Variants in IGF1R observed in about 807,000 individuals in gnomAD.
IGF1R encodes insulin-like growth factor 1 receptor.
A neutral mutation model predicts 144.6 loss-of-function variants in IGF1R; 44 were observed. The observed-to-expected ratio is 0.30, with a 90% confidence interval of 0.24 to 0.39. IGF1R has a LOEUF of 0.39. IGF1R is among the 10% of genes least tolerant of loss of function. The pLI is 1.00. For missense variants in IGF1R, 1,355 were observed against 1,833.7 expected (o/e 0.74, Z 4.77); for synonymous variants, 795 against 722.8 (o/e 1.10, Z -1.60).
intron 2 of IGF1R, among the ~76,000 whole-genome samples, chr15:98,763,270 G>A (rs1376048110): frequency 6.6e-6 from 1 of 152,134 alleles, no homozygotes. Flanking sequence ...TTAGGGAAAT[G>A]TTTTGTTCCA....
chr15:98,824,194 A>G (rs905079723), intron 2 of IGF1R: 3 of 152,306 alleles, frequency 2.0e-5, no homozygotes, highest in African/African-American at 7.2e-5. Context: ...AAGAGAGCAA[A>G]TGCACATCCC....
chr15:98,819,774 G>A (rs752785962), intron 2 of IGF1R, among the ~76,000 whole-genome samples: 21 of 152,240 alleles, frequency 1.4e-4, no homozygotes, highest in Non-Finnish European at 2.8e-4. Context: ...ATGCGTTAAC[G>A]TACTTTTATG....
At chr15:98,717,586 G>T (rs2054148882) in intron 2 of IGF1R, among the ~76,000 whole-genome samples, 1 of 152,164 alleles carries the variant, frequency 6.6e-6, no homozygotes, top group Non-Finnish European at 1.5e-5. Context: ...AGAACATTCA[G>T]CGAGGTACAT....
chr15:98,660,643 TG>T (rs2052577713), intron 1 of IGF1R: 1 of 152,222 alleles, frequency 6.6e-6, no homozygotes, highest in African/African-American at 2.4e-5. Context: ...GCATGGAACT[TG>T]AAAGCAATAA....
At chr15:98,733,101 T>C (rs550006889) in intron 2 of IGF1R, among the ~76,000 whole-genome samples, 6 of 152,320 alleles carry the variant, frequency 3.9e-5, no homozygotes, top group East Asian at 3.9e-4. Context: ...GCGTATCCCA[T>C]GCAGGGAGGC....
chr15:98,963,875 G>A lies in IGF1R; in HGVS notation c.*6433G>A, dbSNP rs998750942. The A allele has an allele frequency of 4.3e-6, 1 of 233,208 alleles. No homozygotes were observed. Among genetic ancestry groups the A allele is most frequent in the East Asian group, 6.0e-5 (1 of 16,582 alleles). 14.4% of individuals were successfully genotyped at this position (233,208 alleles called of 1,614,324 possible). On this transcript the variant is annotated 3_prime_UTR_variant, in exon 21 of 21. Coordinates refer to ENST00000650285, the MANE Select transcript of IGF1R (RefSeq NM_000875.5). ...CCACTTCCTCTAACTCCAGTGGATTGTTGGCCATGTCTCCCCAACTCCACA... is the reference window on the plus strand; with the variant it reads ...CCACTTCCTCTAACTCCAGTGGATTATTGGCCATGTCTCCCCAACTCCACA...
chr15:98,699,611 G>C (rs767911295), intron 1 of IGF1R, among the ~76,000 whole-genome samples: 3 of 152,120 alleles, frequency 2.0e-5, no homozygotes, highest in Non-Finnish European at 4.4e-5. Context: ...TTCAGTGGAG[G>C]GGACACTGGG....
rs45453695 is a variant in IGF1R, at chr15:98,669,601, T to C, written c.94+19926T>C. 7.8e-3 allele frequency among the ~76,000 whole-genome samples: 1,192 copies of C among 152,266 alleles called. 8 individuals carry two copies. Among genetic ancestry groups the C allele is most frequent in the South Asian group, 0.021 (101 of 4,824 alleles). On this transcript the variant is annotated intron_variant, in intron 1 of 20. Coordinates refer to ENST00000650285, the MANE Select transcript of IGF1R (RefSeq NM_000875.5). ...CAGGGCGGGTCATCGAGTAGGAACA[T>C]TGGGACCTTTTGCTTCCAGGCTTGA...
rs573560124 is a variant in IGF1R, at chr15:98,923,997, C to G, written c.2607C>G (p.Tyr869Ter). The G allele has an allele frequency of 3.1e-6, 5 of 1,614,018 alleles. No individual in the cohort carries two copies. Among genetic ancestry groups the G allele is most frequent in the Non-Finnish European group, 4.2e-6 (5 of 1,179,844 alleles). ...TGATTCTAATGTATGAAATAAAATA[C>G]GGATCACAAGTTGAGGTAGGACTGG... ...NGLILMYEIK[Y>*]GSQVEDQREC... Residue 869 changes from tyrosine (Y) to a stop codon, truncating the protein, a stop_gained, in exon 12 of 21, where the codon TAC becomes TAG. Coordinates refer to ENST00000650285, the MANE Select transcript of IGF1R (RefSeq NM_000875.5). LOFTEE classifies it high-confidence loss of function.
At chr15:98,752,100 C>T (rs1596267769) in intron 2 of IGF1R, among the ~76,000 whole-genome samples, 1 of 152,084 alleles carries the variant, frequency 6.6e-6, no homozygotes, top group Admixed American at 6.5e-5. Context: ...TTGAGGTGGC[C>T]CCAAACCTTT....
intron 2 of IGF1R, among the ~76,000 whole-genome samples, chr15:98,785,179 A>C (rs146235747): frequency 6.6e-6 from 1 of 152,210 alleles, no homozygotes; most frequent in Admixed American, 6.5e-5. Context: ...TTAACCTCCA[A>C]ATCATCAGAA....
chr15:98,667,343 AT>A (rs925730809), intron 1 of IGF1R, among the ~76,000 whole-genome samples: 2 of 150,628 alleles, frequency 1.3e-5, no homozygotes, highest in Admixed American at 6.6e-5. Flanking sequence ...TGACAGCTCA[AT>A]TTTTTTTTTA....
chr15:98,814,821 C>G (rs2056661859), intron 2 of IGF1R, among the ~76,000 whole-genome samples: 1 of 152,160 alleles, frequency 6.6e-6, no homozygotes, highest in Non-Finnish European at 1.5e-5. Context: ...AAGCGTGGCT[C>G]TACCTGGGAG....
At chr15:98,716,001 C>T (rs2054105809) in intron 2 of IGF1R, among the ~76,000 whole-genome samples, 2 of 152,210 alleles carry the variant, frequency 1.3e-5, no homozygotes, top group Non-Finnish European at 2.9e-5. Flanking sequence ...CGAAGAAGTT[C>T]ATCTCCAAAC....
intron 1 of IGF1R, among the ~76,000 whole-genome samples, chr15:98,677,340 T>C (rs2053074154): frequency 6.6e-6 from 1 of 152,234 alleles, no homozygotes; most frequent in Non-Finnish European, 1.5e-5. Context: ...TCTTATTCGT[T>C]ATAATAGTCT....
At chr15:98,664,890 T>C (rs1431419171) in intron 1 of IGF1R, among the ~76,000 whole-genome samples, 3 of 151,886 alleles carry the variant, frequency 2.0e-5, no homozygotes, top group Admixed American at 1.3e-4. Context: ...GGGTGTGTAT[T>C]GATTCTGATG....
At chr15:98,948,212 G>A (rs915346499) in intron 19 of IGF1R, among the ~76,000 whole-genome samples, 1 of 152,186 alleles carries the variant, frequency 6.6e-6, no homozygotes, top group Non-Finnish European at 1.5e-5. Flanking sequence ...TCAAAGCCAG[G>A]TTAGGTGATA....
At chr15:98,939,051 G>T (rs2016265084) in intron 17 of IGF1R, 150 bp from the exon 18 acceptor site, 2 of 686,510 alleles carry the variant, frequency 2.9e-6, no homozygotes, top group East Asian at 5.4e-5. Flanking sequence ...CTCCATGATG[G>T]TTTGTTCCTT....
intron 2 of IGF1R, among the ~76,000 whole-genome samples, chr15:98,725,331 C>CA (rs903005248): frequency 3.3e-5 from 5 of 152,120 alleles, no homozygotes; most frequent in Admixed American, 6.6e-5. Context: ...CAAAAACACA[C>CA]AAAAAAACCA....
Sources: allele counts gnomAD v4.1 joint callset (sites outside exome capture counted in the v4.1 genomes callset), GRCh38; gene constraint gnomAD v4.1.1; transcripts MANE v1.5; gene names NCBI Gene and HGNC (gene_info 2026-07-23, HGNC 2026-07-21).